Variants in RPGRIP1 observed in about 807,000 individuals in gnomAD.
The protein encoded by RPGRIP1 is RPGR interacting protein 1, also known as X-linked retinitis pigmentosa GTPase regulator-interacting protein 1.
In RPGRIP1, 128 loss-of-function variants were observed where a neutral mutation model predicts 157.9. The ratio of observed to expected loss-of-function variants is 0.81; its 90% CI spans 0.70 to 0.94. The LOEUF is 0.94. Ranked by LOEUF, RPGRIP1 falls within the 40% of genes least tolerant of loss-of-function variation. The pLI is 0.00. For missense variants in RPGRIP1, 1,486 were observed against 1,545.8 expected, an observed-to-expected ratio of 0.96 and a Z score of 0.65; for synonymous variants, 554 against 571.6, an observed-to-expected ratio of 0.97 and a Z score of 0.44.
At position 21,324,929 on chromosome 14, in the gene RPGRIP1, C is replaced by T; in HGVS notation, c.2074C>T (p.His692Tyr). ...YVMETDSLFL[H>Y]YLQEASARLD... ...GATGGAGACAGATTCGCTTTTCTTA[C>T]ACTACCTTCAAGAGGCTTCAGCCCG... Residue 692 changes from histidine (H) to tyrosine (Y), a missense_variant, in exon 15 of 25, where the codon CAC becomes TAC. Coordinates refer to ENST00000400017, the MANE Select transcript of RPGRIP1 (RefSeq NM_020366.4). 2.5e-6 allele frequency: 4 copies of T among 1,614,034 alleles called. No individual in the cohort carries two copies. The highest frequency in any genetic ancestry group is 1.1e-5 in the South Asian group (1 of 91,080).
In RPGRIP1 at chr14:21,343,046, A is replaced by G. The variant is rs1388092014; in HGVS notation, c.3350A>G (p.Lys1117Arg). 6.2e-7 allele frequency: 1 copy of G among 1,611,902 alleles called. No individual in the cohort carries two copies. The highest frequency in any genetic ancestry group is 8.5e-7 in the Non-Finnish European group (1 of 1,178,852). The change falls in exon 22 of 25, where the codon AAG (lysine) becomes AGG (arginine). Residue 1117 changes from lysine to arginine, a missense_variant. Physicochemically the swap from Lys to Arg is conservative, Grantham distance 26 (BLOSUM62 2). Transcript: ENST00000400017. Reference protein sequence around the residue: ...SQKYPKADSEKMCIEIVSLAF... With the variant: ...SQKYPKADSERMCIEIVSLAF... ...CATTTTCCTTATCAGGATTCAGAGA[A>G]GATGTGCATTGAAATTGTCTCCCTG...
intron 6 of RPGRIP1, among the ~76,000 whole-genome samples, chr14:21,306,877 G>A (rs1594179345): frequency 6.6e-6 from 1 of 151,316 alleles, no homozygotes; most frequent in African/African-American, 2.4e-5. Context: ...CCAGGTTCAA[G>A]CAATTCTCCT....
Position 21,294,872 on chromosome 14 carries a change from C to A in RPGRIP1, c.218+63C>A, listed in dbSNP as rs1594167239. 9.2e-6 allele frequency: 11 copies of A among 1,197,324 alleles called. No individual in the cohort carries two copies. In the East Asian group the frequency reaches 3.1e-4, roughly 34 times the overall value. The allele number at this position is 1,197,324 out of a possible 1,614,324, so 74.2% of individuals were successfully genotyped here. ...TTTTTTTTTTTTTTTTGAGACGGAGCCTTGCTCTGTTGCCCAGGCTGGAAT... is the reference window on the plus strand; with the variant it reads ...TTTTTTTTTTTTTTTTGAGACGGAGACTTGCTCTGTTGCCCAGGCTGGAAT... On this transcript the variant is annotated intron_variant, in intron 3 of 24. Transcript: ENST00000400017.
rs759940113 is a variant in RPGRIP1 at position 21,325,903 on chromosome 14, C to T, written c.2440C>T (p.Arg814Ter). The T allele has an allele frequency of 2.0e-5, 33 of 1,613,822 alleles. No homozygotes were observed. The highest frequency in any genetic ancestry group is 2.6e-5 in the Non-Finnish European group (31 of 1,179,876). ...CACCAAGTGCTGTGGCCTCCGGAGT[C>T]GATGGCTGGGAACTCAACCCAGTCC... ...EITKCCGLRS[R>*]WLGTQPSPYA... The change falls in exon 17 of 25, where the codon CGA becomes TGA. Residue 814 changes from arginine to a stop codon, truncating the protein, a stop_gained. Transcript: ENST00000400017. LOFTEE classifies it high-confidence loss of function.
chr14:21,288,259 C>T (rs1009421291), intron 2 of RPGRIP1, among the ~76,000 whole-genome samples, 198 bp downstream of exon 2: 3 of 150,242 alleles, frequency 2.0e-5, no homozygotes, highest in African/African-American at 7.3e-5. Context: ...CAGCTCACTG[C>T]AGCCTCCGAC....
chr14:21,345,526 C>G (rs561368610), intron 23 of RPGRIP1, among the ~76,000 whole-genome samples: 1 of 150,450 alleles, frequency 6.6e-6, no homozygotes, highest in African/African-American at 2.4e-5. Flanking sequence ...CCTCTGCCTC[C>G]CAAGTAGCTA....
chr14:21,345,686 T>C (rs1885494926), intron 23 of RPGRIP1, among the ~76,000 whole-genome samples: 1 of 152,230 alleles, frequency 6.6e-6, no homozygotes, highest in African/African-American at 2.4e-5. Flanking sequence ...ATTACAGGCG[T>C]GAGCCACCGT....
intron 22 of RPGRIP1, among the ~76,000 whole-genome samples, chr14:21,344,126 C>T (rs1885323520): frequency 6.6e-6 from 1 of 151,724 alleles, no homozygotes; most frequent in Non-Finnish European, 1.5e-5. Context: ...TGTCCCTTTC[C>T]TTCCCATCGT....
chr14:21,308,866 C>T (rs145254968), intron 7 of RPGRIP1, among the ~76,000 whole-genome samples: 1 of 152,056 alleles, frequency 6.6e-6, no homozygotes, highest in Non-Finnish European at 1.5e-5. Context: ...ACTCATGTAG[C>T]CTGTGGAAAA....
chr14:21,282,037 G>A (rs1305529648), intron 1 of RPGRIP1, among the ~76,000 whole-genome samples: 1 of 152,136 alleles, frequency 6.6e-6, no homozygotes, highest in Non-Finnish European at 1.5e-5. Flanking sequence ...GGAGGTTGCA[G>A]TAAACTGAGA....
At position 21,311,908 on chromosome 14, in the gene RPGRIP1, A is replaced by G. The variant is rs1451596643; in HGVS notation, c.1015A>G (p.Lys339Glu). ...GGCAGAGCTGAAGGAAGAAAGCAAG[A>G]AGGCTGTGAGCTTGAAGAGCCAACT... ...LRAELKEESKKAVSLKSQLED... is the reference protein window; with the variant it reads ...LRAELKEESKEAVSLKSQLED... Residue 339 changes from lysine (K) to glutamate (E), a missense_variant, in exon 9 of 25, where the codon AAG becomes GAG. Lys to Glu is a moderately conservative substitution (Grantham distance 56). Coordinates refer to ENST00000400017, the MANE Select transcript of RPGRIP1 (RefSeq NM_020366.4). 6.2e-7 allele frequency: 1 copy of G among 1,613,260 alleles called. No individual in the cohort carries two copies. Among genetic ancestry groups the G allele is most frequent in the Admixed American group, 1.7e-5 (1 of 59,916 alleles).
At position 21,321,930 on chromosome 14, in the gene RPGRIP1, G is replaced by T; in HGVS notation, c.1688G>T (p.Arg563Leu). ...DHKEKLERLT[R>L]LLDLKNNRIK... ...AAAGAAAAGCTGGAGAGGTTGACTCGACTACTAGACCTCAAGAATAACCGT... is the reference window on the plus strand; with the variant it reads ...AAAGAAAAGCTGGAGAGGTTGACTCTACTACTAGACCTCAAGAATAACCGT... Residue 563 changes from arginine to leucine, a missense_variant, in exon 14 of 25, where the codon CGA (arginine) becomes CTA (leucine). Coordinates refer to ENST00000400017, the MANE Select transcript of RPGRIP1 (RefSeq NM_020366.4). The T allele has an allele frequency of 1.2e-6, 2 of 1,613,536 alleles. No homozygotes were observed. The highest frequency in any genetic ancestry group is 8.5e-7 in the Non-Finnish European group (1 of 1,179,606).
In RPGRIP1 at chr14:21,326,090, A is replaced by G. The variant is rs61751274; in HGVS notation, c.2627A>G (p.Asp876Gly). 6.2e-7 allele frequency: 1 copy of G among 1,613,328 alleles called. No homozygotes were observed. The highest frequency in any genetic ancestry group is 8.5e-7 in the Non-Finnish European group (1 of 1,179,460). ...RREALSIHVF[D>G]DEDLEPGSYL... ...GAGGCCTTGTCTATACATGTTTTTG[A>G]TGATGAAGACTTAGAGCCTGGCTCG... The change falls in exon 17 of 25, where the codon GAT becomes GGT. Residue 876 changes from aspartate to glycine, a missense_variant. Asp to Gly is a moderately conservative substitution (Grantham distance 94). Transcript: ENST00000400017.
At position 21,330,966 on chromosome 14, in the gene RPGRIP1, A is replaced by G. The variant is rs529501373; in HGVS notation, c.3238+579A>G. On this transcript the variant is annotated intron_variant, in intron 20 of 24. Transcript: ENST00000400017. ...ATTCTGTCTCCCAGGCTGGAGTGCAATGGCAGGATCTCAGCTCACTGCAAG... is the reference window on the plus strand; with the variant it reads ...ATTCTGTCTCCCAGGCTGGAGTGCAGTGGCAGGATCTCAGCTCACTGCAAG... Among the ~76,000 whole-genome samples the G allele has an allele frequency of 8.6e-5, 13 of 151,772 alleles. No homozygotes were observed. In the South Asian group the frequency reaches 2.7e-3, roughly 32 times the overall value.
chr14:21,309,596 G>A (rs978889430), intron 7 of RPGRIP1, among the ~76,000 whole-genome samples: 2 of 152,310 alleles, frequency 1.3e-5, no homozygotes, highest in Middle Eastern at 6.8e-3. Flanking sequence ...GTTAATAAGT[G>A]TGTAAGAGAA....
At chr14:21,323,769 A>G (rs896586697) in intron 14 of RPGRIP1, among the ~76,000 whole-genome samples, 3 of 149,864 alleles carry the variant, frequency 2.0e-5, no homozygotes, top group Non-Finnish European at 4.5e-5. Flanking sequence ...GTTAATTAAG[A>G]AAGTAGTCTC....
intron 21 of RPGRIP1, among the ~76,000 whole-genome samples, chr14:21,338,203 ACCGCTC>A (rs1356936680): frequency 1.3e-5 from 2 of 152,230 alleles, no homozygotes; most frequent in Non-Finnish European, 2.9e-5. Flanking sequence ...GGCGTGAGCC[ACCGCTC>A]CTGGCCTCCC....
At chr14:21,344,252 AT>A (rs1243148816) in intron 22 of RPGRIP1, among the ~76,000 whole-genome samples, 1 of 151,902 alleles carries the variant, frequency 6.6e-6, no homozygotes, top group Non-Finnish European at 1.5e-5. Flanking sequence ...CTTTACACGT[AT>A]TTTTTGCAGC....
At chr14:21,315,780 A>ATAG (rs1881761961) in intron 10 of RPGRIP1, among the ~76,000 whole-genome samples, 2 of 151,392 alleles carry the variant, frequency 1.3e-5, no homozygotes, top group South Asian at 4.2e-4. Context: ...TACTTGCCTA[A>ATAG]GTAGGTTATT....
Sources: allele counts gnomAD v4.1 joint callset (sites outside exome capture counted in the v4.1 genomes callset), GRCh38; gene constraint gnomAD v4.1.1; transcripts MANE v1.5; gene names NCBI Gene and HGNC (gene_info 2026-07-23, HGNC 2026-07-21).